The following RABGAP1L variants were observed in gnomAD, a reference collection of about 807,000 sequenced individuals.
RABGAP1L encodes RAB GTPase activating protein 1 like.
Under a neutral mutation model 137.7 loss-of-function variants are expected in RABGAP1L, and 63 were observed. The observed-to-expected ratio is 0.46, with a 90% CI of 0.37 to 0.56. The LOEUF (loss-of-function observed/expected upper bound fraction) is 0.56. Ranked by LOEUF, RABGAP1L falls within the 20% of genes least tolerant of loss-of-function variation. The pLI is 0.00. For synonymous variants in RABGAP1L, 431 were observed against 433.7 expected (o/e 0.99, Z 0.08); for missense variants, 1,095 against 1,244.0 (o/e 0.88, Z 1.80).
chr1:174,272,522 G>T, intron 8 of RABGAP1L, 42 bp downstream of exon 8: 1 of 1,432,408 alleles, frequency 7.0e-7, no homozygotes, highest in South Asian at 1.8e-5. Flanking sequence ...ATAGATGATA[G>T]TTATTTTATA....
Position 174,990,183 on chromosome 1 carries a change from C to G in RABGAP1L, c.*182C>G. 3 of 705,940 alleles carry G rather than the reference C, an allele frequency of 4.2e-6. No homozygotes were observed. Among genetic ancestry groups the G allele is most frequent in the Admixed American group, 3.2e-5 (1 of 30,844 alleles). 43.7% of individuals were successfully genotyped at this position (705,940 alleles called of 1,614,324 possible). ...GGGATGCTATTTAAACTGACCTGTT[C>G]TATGTTGAATACCTATTTTCCAGCT... On this transcript the variant is annotated 3_prime_UTR_variant, in exon 26 of 26. Coordinates refer to ENST00000681986, the MANE Select transcript of RABGAP1L (RefSeq NM_001366446.1).
At chr1:174,886,033 G>A (rs1655058315) in intron 19 of RABGAP1L, among the ~76,000 whole-genome samples, 1 of 130,856 alleles carries the variant, frequency 7.6e-6, no homozygotes. Flanking sequence ...TTTTTTTTGA[G>A]ACAGAGTTTT....
chr1:174,729,795 A>G (rs767463643), intron 17 of RABGAP1L, among the ~76,000 whole-genome samples: 2 of 152,218 alleles, frequency 1.3e-5, no homozygotes, highest in South Asian at 2.1e-4. Context: ...CAACATGGCT[A>G]TTATTAAAAA....
intron 19 of RABGAP1L, among the ~76,000 whole-genome samples, chr1:174,944,274 C>CAAA (rs56225773): frequency 0.031 from 1,566 of 50,694 alleles, 50 homozygotes; most frequent in Middle Eastern, 0.062. Flanking sequence ...AAGACTGTCT[C>CAAA]AAAAAAAAAA....
At chr1:174,454,066 C>T (rs1190692627) in intron 13 of RABGAP1L, among the ~76,000 whole-genome samples, 4 of 152,096 alleles carry the variant, frequency 2.6e-5, no homozygotes, top group Non-Finnish European at 5.9e-5. Context: ...AGATCAAAGC[C>T]ATCCCGGCCA....
intron 13 of RABGAP1L, among the ~76,000 whole-genome samples, chr1:174,528,884 CATTCTTTTTT>C (rs1005597434): frequency 8.6e-5 from 13 of 151,550 alleles, no homozygotes; most frequent in South Asian, 2.1e-4. Flanking sequence ...ATGTTTCACT[CATTCTTTTTT>C]ATTCTTTTTT....
intron 7 of RABGAP1L, among the ~76,000 whole-genome samples, chr1:174,268,287 C>T (rs956802625): frequency 6.6e-6 from 1 of 151,442 alleles, no homozygotes. Context: ...GTAAGCTCTG[C>T]CTCCCGGGTT....
At chr1:174,314,630 A>G (rs1679197364) in intron 11 of RABGAP1L, among the ~76,000 whole-genome samples, 1 of 152,070 alleles carries the variant, frequency 6.6e-6, no homozygotes, top group African/African-American at 2.4e-5. Context: ...TGATGTAGAC[A>G]GTTATAGCTA....
chr1:174,495,811 T>TA (rs1660681780), intron 13 of RABGAP1L, among the ~76,000 whole-genome samples: 1 of 152,226 alleles, frequency 6.6e-6, no homozygotes, highest in East Asian at 1.9e-4. Flanking sequence ...TGAAAATCCC[T>TA]AGCCACACAT....
At chr1:174,617,014 G>A (rs1671949152) in intron 13 of RABGAP1L, among the ~76,000 whole-genome samples, 2 of 152,100 alleles carry the variant, frequency 1.3e-5, no homozygotes, top group Admixed American at 6.6e-5. Flanking sequence ...TGGAGAGTAA[G>A]CAAAGCAGAA....
chr1:174,548,690 G>A (rs933267372), intron 13 of RABGAP1L: 4 of 543,268 alleles, frequency 7.4e-6, no homozygotes, highest in African/African-American at 6.2e-5. Flanking sequence ...CATTTTGGTT[G>A]GAAAGTTTAA....
chr1:174,706,681 A>G (rs1310361069), intron 17 of RABGAP1L, among the ~76,000 whole-genome samples: 2 of 152,190 alleles, frequency 1.3e-5, no homozygotes, highest in Non-Finnish European at 2.9e-5. Context: ...TTTAAAAAAG[A>G]ACAAAAAGGA....
At chr1:174,697,493 A>G (rs1253123346) in intron 15 of RABGAP1L, among the ~76,000 whole-genome samples, 2 of 152,110 alleles carry the variant, frequency 1.3e-5, no homozygotes, top group African/African-American at 4.8e-5. Context: ...GCTATTTTGT[A>G]TTTTTAGTAG....
intron 14 of RABGAP1L, among the ~76,000 whole-genome samples, chr1:174,681,113 C>T (rs1443309753): frequency 6.6e-6 from 1 of 152,144 alleles, no homozygotes; most frequent in Non-Finnish European, 1.5e-5. Flanking sequence ...TATGTTGCTG[C>T]TAGGGGTGTA....
intron 13 of RABGAP1L, among the ~76,000 whole-genome samples, chr1:174,467,816 A>C (rs905616067): frequency 5.3e-5 from 8 of 152,152 alleles, no homozygotes; most frequent in Non-Finnish European, 1.2e-4. Flanking sequence ...TTTGGCAGTT[A>C]ACGTTATACT....
chr1:174,441,208 G>T (rs1654100291), intron 13 of RABGAP1L, among the ~76,000 whole-genome samples: 1 of 151,792 alleles, frequency 6.6e-6, no homozygotes, highest in African/African-American at 2.4e-5. Flanking sequence ...GCATTCATCA[G>T]TTGAAAGCAG....
At chr1:174,763,698 C>T (rs1038746043) in intron 18 of RABGAP1L, among the ~76,000 whole-genome samples, 8 of 117,700 alleles carry the variant, frequency 6.8e-5, no homozygotes, top group Middle Eastern at 6.7e-3. Flanking sequence ...ATTAGCCAGG[C>T]GTGGTGGCAG....
At chr1:174,635,506 A>G (rs1673932442) in intron 13 of RABGAP1L, among the ~76,000 whole-genome samples, 1 of 152,202 alleles carries the variant, frequency 6.6e-6, no homozygotes, top group East Asian at 1.9e-4. Context: ...ATCACTTTAT[A>G]TAATACCTTT....
chr1:174,200,481 A>G (rs6678286), intron 1 of RABGAP1L, among the ~76,000 whole-genome samples: 45,265 of 152,122 alleles, frequency 0.3, 7,161 homozygotes, highest in African/African-American at 0.37. Context: ...AAACATGTAT[A>G]TACAGATGTT....
Sources: allele counts gnomAD v4.1 joint callset (sites outside exome capture counted in the v4.1 genomes callset), GRCh38; gene constraint gnomAD v4.1.1; transcripts MANE v1.5; gene names NCBI Gene and HGNC (gene_info 2026-07-23, HGNC 2026-07-21).